CLSTN2: variants seen among roughly 807,000 people sequenced by gnomAD.
The protein encoded by CLSTN2 is calsyntenin-2.
A neutral mutation model predicts 101.2 loss-of-function variants in CLSTN2; 48 were observed. The ratio of observed to expected loss-of-function variants is 0.47; its 90% CI spans 0.38 to 0.60. The LOEUF is 0.60. CLSTN2 is among the 20% of genes least tolerant of loss of function. CLSTN2 has a pLI of 0.00. For synonymous variants in CLSTN2, 481 were observed against 463.6 expected, an observed-to-expected ratio of 1.04 and a Z score of -0.48; for missense variants, 1,160 against 1,238.2, an observed-to-expected ratio of 0.94 and a Z score of 0.95.
intron 8 of CLSTN2, among the ~76,000 whole-genome samples, chr3:140,473,617 G>A (rs1933903572): frequency 1.3e-5 from 2 of 152,088 alleles, no homozygotes; most frequent in Admixed American, 6.6e-5. Flanking sequence ...GGAAGGAAAC[G>A]GATCCTCCAG....
intron 9 of CLSTN2, among the ~76,000 whole-genome samples, chr3:140,540,437 G>T (rs79578570): frequency 0.017 from 2,565 of 152,260 alleles, 77 homozygotes; most frequent in African/African-American, 0.058. Flanking sequence ...ACTTATAGGG[G>T]TCTATTACAC....
At chr3:140,073,071 A>G (rs1370962379) in intron 1 of CLSTN2, among the ~76,000 whole-genome samples, 1 of 152,214 alleles carries the variant, frequency 6.6e-6, no homozygotes, top group Non-Finnish European at 1.5e-5. Context: ...ACAAACACGA[A>G]TGGTGGCACT....
rs537758932 is a variant in CLSTN2 at position 140,281,023 on chromosome 3, C to T, written c.232+104950C>T. On this transcript the variant is annotated intron_variant, in intron 2 of 16. Transcript: ENST00000458420. ...GCATGATTCACATAATTAGCAATAT[C>T]TGTCCTGGATGTCTTAGAAGAGTGG... Among the ~76,000 whole-genome samples, 11 of 152,302 alleles carry T rather than the reference C, an allele frequency of 7.2e-5. No homozygotes were observed. The East Asian group carries it at 1.9e-3, about 27-fold the overall frequency.
chr3:140,498,953 C>T (rs1168943893), intron 8 of CLSTN2, among the ~76,000 whole-genome samples: 1 of 146,716 alleles, frequency 6.8e-6, no homozygotes, highest in Admixed American at 6.6e-5. Flanking sequence ...ATTGTGAGCA[C>T]TTGAATGTTT....
intron 2 of CLSTN2, among the ~76,000 whole-genome samples, chr3:140,213,790 G>C (rs2010887737): frequency 6.6e-6 from 1 of 152,148 alleles, no homozygotes; most frequent in Admixed American, 6.5e-5. Context: ...ACATGGCCTT[G>C]TGTATTGGCT....
At chr3:140,067,119 A>G (rs887547953) in intron 1 of CLSTN2, among the ~76,000 whole-genome samples, 3 of 152,124 alleles carry the variant, frequency 2.0e-5, no homozygotes, top group African/African-American at 7.2e-5. Flanking sequence ...GAATGTGGTG[A>G]TAGTATACAA....
chr3:140,355,434 A>G (rs1413735972), intron 2 of CLSTN2, among the ~76,000 whole-genome samples: 2 of 152,230 alleles, frequency 1.3e-5, no homozygotes, highest in East Asian at 1.9e-4. Flanking sequence ...AGCATATAGC[A>G]TAGTTCCTGA....
intron 1 of CLSTN2, among the ~76,000 whole-genome samples, chr3:140,087,680 G>T (rs1403210837): frequency 6.6e-6 from 1 of 152,240 alleles, no homozygotes; most frequent in Non-Finnish European, 1.5e-5. Context: ...CAAACAGTAA[G>T]ATTGTGGCTG....
At chr3:140,551,915 T>C (rs1457609476) in intron 10 of CLSTN2, among the ~76,000 whole-genome samples, 1 of 151,702 alleles carries the variant, frequency 6.6e-6, no homozygotes, top group African/African-American at 2.4e-5. Context: ...CTCCCTTTTG[T>C]GACAGAAGAA....
At chr3:140,521,244 AT>A (rs1189944896) in intron 8 of CLSTN2, among the ~76,000 whole-genome samples, 1 of 151,996 alleles carries the variant, frequency 6.6e-6, no homozygotes, top group Non-Finnish European at 1.5e-5. Flanking sequence ...GCGTTTTTGC[AT>A]TTATTCGTTC....
At chr3:140,077,046 T>A (rs1241496787) in intron 1 of CLSTN2, among the ~76,000 whole-genome samples, 1 of 152,204 alleles carries the variant, frequency 6.6e-6, no homozygotes, top group Admixed American at 6.5e-5. Context: ...ACTCTGAATT[T>A]ACAAGGACGA....
At chr3:140,286,145 T>C (rs2086893974) in intron 2 of CLSTN2, among the ~76,000 whole-genome samples, 1 of 152,130 alleles carries the variant, frequency 6.6e-6, no homozygotes, top group Non-Finnish European at 1.5e-5. Context: ...GGTCCACAAC[T>C]GCCCCCGGTA....
intron 5 of CLSTN2, among the ~76,000 whole-genome samples, chr3:140,443,377 C>T (rs1933002883): frequency 6.6e-6 from 1 of 152,236 alleles, no homozygotes; most frequent in African/African-American, 2.4e-5. Context: ...CTTAGATTAG[C>T]TTTATTCCCC....
chr3:140,375,167 A>G (rs1237785736), intron 2 of CLSTN2, among the ~76,000 whole-genome samples: 1 of 152,236 alleles, frequency 6.6e-6, no homozygotes, highest in Non-Finnish European at 1.5e-5. Flanking sequence ...GGGGAAAGGT[A>G]GTTGAGAGGA....
intron 1 of CLSTN2, among the ~76,000 whole-genome samples, chr3:140,129,085 T>G (rs2009482024): frequency 6.6e-6 from 1 of 152,086 alleles, no homozygotes; most frequent in Non-Finnish European, 1.5e-5. Context: ...GGAAACTGAG[T>G]GGCCATCTCA....
intron 1 of CLSTN2, among the ~76,000 whole-genome samples, chr3:140,102,590 C>T (rs1322972361): frequency 6.6e-6 from 1 of 152,190 alleles, no homozygotes; most frequent in African/African-American, 2.4e-5. Context: ...TTTCCTTATG[C>T]AGACAACTAA....
intron 8 of CLSTN2, chr3:140,507,575 G>C (rs577535132): frequency 5.9e-5 from 9 of 152,144 alleles, no homozygotes; most frequent in Non-Finnish European, 1.3e-4. Flanking sequence ...GCCTTTGCTT[G>C]TTCTGTCTGC....
chr3:140,484,950 C>T (rs1023088766), intron 8 of CLSTN2, among the ~76,000 whole-genome samples: 2 of 152,196 alleles, frequency 1.3e-5, no homozygotes, highest in Non-Finnish European at 2.9e-5. Flanking sequence ...GAAGCCTTCT[C>T]CTCTGAACTC....
At chr3:140,302,962 A>T (rs1332194891) in intron 2 of CLSTN2, among the ~76,000 whole-genome samples, 1 of 152,188 alleles carries the variant, frequency 6.6e-6, no homozygotes, top group African/African-American at 2.4e-5. Context: ...GCCATTGCTG[A>T]GTTCTCCATC....
Sources: allele counts gnomAD v4.1 joint callset (sites outside exome capture counted in the v4.1 genomes callset), GRCh38; gene constraint gnomAD v4.1.1; transcripts MANE v1.5; gene names NCBI Gene and HGNC (gene_info 2026-07-23, HGNC 2026-07-21).